Variants in PDE7A observed in about 807,000 individuals in gnomAD.
The protein encoded by PDE7A is phosphodiesterase 7A.
In PDE7A, 39 loss-of-function variants were observed where a neutral mutation model predicts 64.3. The ratio of observed to expected loss-of-function variants is 0.61; its 90% CI spans 0.47 to 0.79. The LOEUF (loss-of-function observed/expected upper bound fraction) is 0.79, where lower values mean the gene tolerates loss of function less well. Among genes scored for constraint, PDE7A ranks in the 30% least tolerant of loss-of-function variants. The pLI, the probability that PDE7A is intolerant of heterozygous loss-of-function variation, is 0.00. For synonymous variants in PDE7A, 203 were observed against 206.8 expected (o/e 0.98, Z 0.16); for missense variants, 470 against 582.8 (o/e 0.81, Z 1.99).
intron 3 of PDE7A, 84 bp from the exon 4 acceptor site, chr8:65,747,887 C>A: frequency 2.9e-6 from 2 of 698,822 alleles, no homozygotes; most frequent in East Asian, 3.0e-5. Context: ...TAGTTATGTA[C>A]AAGTATTTTT....
intron 1 of PDE7A, among the ~76,000 whole-genome samples, chr8:65,798,303 G>C (rs929020684): frequency 6.7e-6 from 1 of 149,780 alleles, no homozygotes; most frequent in Non-Finnish European, 1.5e-5. Flanking sequence ...TCTACCTCTC[G>C]GGTTCAAGCA....
intron 3 of PDE7A, among the ~76,000 whole-genome samples, chr8:65,753,410 T>C (rs899832959): frequency 6.6e-6 from 1 of 152,140 alleles, no homozygotes; most frequent in Non-Finnish European, 1.5e-5. Flanking sequence ...CTCTAAACCA[T>C]ACTGGGCCCA....
At chr8:65,829,681 A>G (rs926330765) in intron 1 of PDE7A, among the ~76,000 whole-genome samples, 1 of 152,150 alleles carries the variant, frequency 6.6e-6, no homozygotes, top group Admixed American at 6.6e-5. Flanking sequence ...CTCAGCTGCT[A>G]AATTTCTAAA....
At chr8:65,734,271 C>T (rs917846772) in intron 7 of PDE7A, among the ~76,000 whole-genome samples, 3 of 152,302 alleles carry the variant, frequency 2.0e-5, no homozygotes, top group African/African-American at 7.2e-5. Flanking sequence ...GCATTCACCA[C>T]CACATCCTGT....
At chr8:65,744,338 A>T (rs1420714698) in intron 5 of PDE7A, among the ~76,000 whole-genome samples, 1 of 152,230 alleles carries the variant, frequency 6.6e-6, no homozygotes, top group African/African-American at 2.4e-5. Flanking sequence ...TACCCAAATA[A>T]AAATATACTA....
At chr8:65,745,297 A>G (rs1807623943) in intron 5 of PDE7A, 110 bp downstream of exon 5, 4 of 717,060 alleles carry the variant, frequency 5.6e-6, no homozygotes, top group Non-Finnish European at 1.0e-5. Flanking sequence ...CTCTTCCAGC[A>G]GAGGGCTAAC....
At chr8:65,761,609 C>T (rs1196817962) in intron 3 of PDE7A, among the ~76,000 whole-genome samples, 1 of 152,190 alleles carries the variant, frequency 6.6e-6, no homozygotes, top group Non-Finnish European at 1.5e-5. Context: ...TTTGCTGGCT[C>T]TTTTCTAAAA....
chr8:65,837,464 G>C (rs1171350020), intron 1 of PDE7A, among the ~76,000 whole-genome samples: 1 of 152,148 alleles, frequency 6.6e-6, no homozygotes, highest in East Asian at 1.9e-4. Flanking sequence ...CTTGGAGATG[G>C]GACCCAAGTC....
intron 1 of PDE7A, among the ~76,000 whole-genome samples, chr8:65,784,549 C>G (rs969827951): frequency 1.3e-5 from 2 of 151,914 alleles, no homozygotes; most frequent in African/African-American, 4.8e-5. Context: ...GATAGGAAGG[C>G]CTTTCTAACT....
chr8:65,829,692 A>G (rs937885251), intron 1 of PDE7A, among the ~76,000 whole-genome samples: 1 of 152,146 alleles, frequency 6.6e-6, no homozygotes, highest in African/African-American at 2.4e-5. Context: ...AATTTCTAAA[A>G]TGTTGGGAAT....
intron 12 of PDE7A, among the ~76,000 whole-genome samples, chr8:65,720,956 C>A (rs1806351527): frequency 6.6e-6 from 1 of 152,186 alleles, no homozygotes; most frequent in Non-Finnish European, 1.5e-5. Flanking sequence ...CATCTTATTT[C>A]ATCCCTCTCA....
intron 1 of PDE7A, among the ~76,000 whole-genome samples, chr8:65,791,576 T>C (rs955586837): frequency 7.9e-5 from 12 of 152,210 alleles, no homozygotes; most frequent in African/African-American, 2.9e-4. Context: ...ATTAGGCTCT[T>C]GGCTTTCATT....
chr8:65,812,569 AT>A (rs1321133407), intron 1 of PDE7A, among the ~76,000 whole-genome samples: 5 of 152,224 alleles, frequency 3.3e-5, no homozygotes, highest in Non-Finnish European at 7.3e-5. Context: ...TGGAAAAAAA[AT>A]GACACATTTA....
chr8:65,807,902 A>G (rs1009089153), intron 1 of PDE7A, among the ~76,000 whole-genome samples: 1 of 152,106 alleles, frequency 6.6e-6, no homozygotes. Context: ...GAGCCACTAA[A>G]CCCTGGGTCT....
intron 6 of PDE7A, among the ~76,000 whole-genome samples, chr8:65,736,294 G>T (rs975184252): frequency 2.6e-5 from 4 of 152,108 alleles, no homozygotes; most frequent in Non-Finnish European, 5.9e-5. Context: ...TCACAATGGT[G>T]TGCAATTCAA....
intron 1 of PDE7A, among the ~76,000 whole-genome samples, chr8:65,805,705 G>T (rs887362642): frequency 6.6e-6 from 1 of 152,088 alleles, no homozygotes; most frequent in African/African-American, 2.4e-5. Flanking sequence ...ATGGTACTGT[G>T]GATTCACCCT....
intron 3 of PDE7A, among the ~76,000 whole-genome samples, chr8:65,754,741 T>C (rs1042662555): frequency 1.3e-5 from 2 of 149,190 alleles, no homozygotes; most frequent in Non-Finnish European, 3.0e-5. Flanking sequence ...CTGAGGCGAG[T>C]GGATCACGAG....
chr8:65,761,615 T>TA (rs1481913488), intron 3 of PDE7A, among the ~76,000 whole-genome samples: 1 of 152,200 alleles, frequency 6.6e-6, no homozygotes, highest in Non-Finnish European at 1.5e-5. Context: ...GGCTCTTTTC[T>TA]AAAATATCAC....
chr8:65,798,206 A>ATATATATATTTTT, intron 1 of PDE7A, among the ~76,000 whole-genome samples: 21 of 73,810 alleles, frequency 2.8e-4, no homozygotes, highest in African/African-American at 1.0e-3. Context: ...ATATATATAT[A>ATATATATATTTTT]TTTTTTTTTT....
Sources: allele counts gnomAD v4.1 joint callset (sites outside exome capture counted in the v4.1 genomes callset), GRCh38; gene constraint gnomAD v4.1.1; transcripts MANE v1.5; gene names NCBI Gene and HGNC (gene_info 2026-07-23, HGNC 2026-07-21).